Variants in MDN1 observed in about 807,000 individuals in gnomAD.
MDN1 encodes the protein midasin.
In MDN1, 266 loss-of-function variants were observed where a neutral mutation model predicts 669.2. The ratio of observed to expected loss-of-function variants is 0.40; its 90% CI spans 0.36 to 0.44. The LOEUF is 0.44. Ranked by LOEUF, MDN1 falls within the 20% of genes least tolerant of loss-of-function variation. MDN1 has a pLI of 1.00. For missense variants in MDN1, 5,940 were observed against 6,754.0 expected, an observed-to-expected ratio of 0.88 and a Z score of 4.22; for synonymous variants, 2,385 against 2,457.1, an observed-to-expected ratio of 0.97 and a Z score of 0.87.
rs769275715 is a variant in MDN1, at chr6:89,671,041, G to A, written c.13834C>T (p.Pro4612Ser). The A allele has an allele frequency of 6.2e-7, 1 of 1,614,052 alleles. No individual in the cohort carries two copies. Among genetic ancestry groups the A allele is most frequent in the Admixed American group, 1.7e-5 (1 of 59,998 alleles). Residue 4612 changes from proline to serine, a missense_variant, in exon 83 of 102, where the codon CCG (proline) becomes TCG (serine). This residue lies in a region of MDN1 where 2,280 missense variants were observed against 2,576.3 expected (regional missense o/e 0.88). Transcript: ENST00000369393. ...QSCSLLVRLV[P>S]VLSSYSDLVL... is the part of the protein sequence containing the mutation. ...AGGTCTGAGTAGCTGGAGAGGACCG[G>A]CACCAGGCGCACCAGCAAGGAACAG...
At chr6:89,727,594 G>A (rs139404953) in intron 37 of MDN1, among the ~76,000 whole-genome samples, 4 of 152,186 alleles carry the variant, frequency 2.6e-5, no homozygotes, top group Non-Finnish European at 5.9e-5. Context: ...GTTTTCCTCT[G>A]AAGGATAACT....
At chr6:89,768,401 G>A (rs1412465057) in intron 15 of MDN1, among the ~76,000 whole-genome samples, 5 of 152,112 alleles carry the variant, frequency 3.3e-5, no homozygotes, top group South Asian at 2.1e-4. Flanking sequence ...TGTAAGACAC[G>A]ACTTTGCTCC....
At chr6:89,647,783 T>C (rs943468624) in intron 99 of MDN1, among the ~76,000 whole-genome samples, 1 of 152,138 alleles carries the variant, frequency 6.6e-6, no homozygotes, top group African/African-American at 2.4e-5. Flanking sequence ...AGTGAGACCC[T>C]GTCCCTACAA....
chr6:89,644,268 C>G, intron 101 of MDN1, 75 bp from the exon 102 acceptor site: 1 of 1,222,882 alleles, frequency 8.2e-7, no homozygotes, highest in Non-Finnish European at 1.1e-6. Flanking sequence ...TCTGTGATCT[C>G]TTTTGCTAAC....
chr6:89,776,440 G>A (rs1186162970), intron 12 of MDN1, among the ~76,000 whole-genome samples, 160 bp downstream of exon 12: 1 of 152,170 alleles, frequency 6.6e-6, no homozygotes, highest in Admixed American at 6.6e-5. Context: ...GCGCCATTTG[G>A]GAGTTGTATG....
At chr6:89,752,841 T>C (rs924437305) in intron 22 of MDN1, among the ~76,000 whole-genome samples, 2 of 152,138 alleles carry the variant, frequency 1.3e-5, no homozygotes, top group African/African-American at 2.4e-5. Context: ...AATATTCTTA[T>C]GGGCCGGGCA....
Position 89,700,688 on chromosome 6 carries a change from C to T in MDN1, c.8596G>A (p.Gly2866Arg), listed in dbSNP as rs767973377. The T allele has an allele frequency of 2.5e-6, 4 of 1,614,156 alleles. No individual in the cohort carries two copies. The highest frequency in any genetic ancestry group is 3.4e-6 in the Non-Finnish European group (4 of 1,180,034). Residue 2866 changes from glycine to arginine, a missense_variant, in exon 56 of 102, where the codon GGA becomes AGA. Physicochemically the swap from Gly to Arg is moderately radical, Grantham distance 125. Coordinates refer to ENST00000369393, the MANE Select transcript of MDN1 (RefSeq NM_014611.3). ...TLKKSLLQAWGLILRANILED... is the reference protein window; with the variant it reads ...TLKKSLLQAWRLILRANILED... ...AAAATATTTGCTCTGAGGATCAGTC[C>T]CCAGGCTTGCAGGAGACTTTTCTTT...
intron 2 of MDN1, 128 bp downstream of exon 2, chr6:89,803,200 C>T (rs1223051735): frequency 1.3e-6 from 1 of 794,320 alleles, no homozygotes; most frequent in African/African-American, 1.7e-5. Context: ...TTTTATAAAA[C>T]AATACTATTT....
chr6:89,727,964 G>A lies in MDN1; in HGVS notation c.5350-9C>T. ...AACAGGTCTGTGATGTCCTTTGAAA[G>A]GGGAAGAAATGGAAAGAAGCCATTA... is the stretch of plus-strand genomic sequence containing the variant. On this transcript the variant is annotated splice_polypyrimidine_tract_variant and intron_variant, in intron 36 of 101. Coordinates refer to ENST00000369393, the MANE Select transcript of MDN1 (RefSeq NM_014611.3). 1 of 1,598,268 alleles carries A rather than the reference G, an allele frequency of 6.3e-7. No homozygotes were observed.
rs752343131 is a variant in MDN1, at chr6:89,725,271, C to T, written c.5598G>A (p.Gly1866=). The T allele has an allele frequency of 1.9e-6, 3 of 1,614,018 alleles. No individual in the cohort carries two copies. In the Admixed American group the frequency reaches 5.0e-5, roughly 27 times the overall value. ...QVQHEKTKIF[G]CQNPFRQGGG... Reference sequence around the variant, plus strand: ...CTCCTTGTCTAAAGGGATTCTGACACCCAAAAATCTTCGTCTTTTCATGCT... The same window carrying T: ...CTCCTTGTCTAAAGGGATTCTGACATCCAAAAATCTTCGTCTTTTCATGCT... Residue 1866 remains glycine, a synonymous_variant, in exon 38 of 102, where the codon GGG becomes GGA. Transcript: ENST00000369393.
At chr6:89,731,130 T>C (rs1238473658) in intron 34 of MDN1, among the ~76,000 whole-genome samples, 2 of 152,204 alleles carry the variant, frequency 1.3e-5, no homozygotes, top group African/African-American at 4.8e-5. Context: ...CAGCAGATCA[T>C]TCAGTAAAGC....
chr6:89,745,445 T>A, intron 28 of MDN1, 34 bp from the exon 29 acceptor site: 4 of 1,613,984 alleles, frequency 2.5e-6, no homozygotes, highest in Non-Finnish European at 3.4e-6. Context: ...TAGATTCTAA[T>A]GAGTACAACT....
chr6:89,819,410 C>T, intron 1 of MDN1, 96 bp downstream of exon 1: 1 of 1,174,630 alleles, frequency 8.5e-7, no homozygotes, highest in Non-Finnish European at 1.2e-6. Context: ...CACCACTCCC[C>T]ACTTAAAGCG....
chr6:89,810,731 C>T (rs929405283), intron 1 of MDN1, among the ~76,000 whole-genome samples: 1 of 152,110 alleles, frequency 6.6e-6, no homozygotes, highest in Admixed American at 6.6e-5. Context: ...GGTGTGGTGG[C>T]TCACGGCTGT....
In MDN1 at chr6:89,712,431, T is replaced by C. The variant is rs112836622; in HGVS notation, c.7430+144A>G. Reference sequence around the variant, plus strand: ...CTAATAAATAATCAATAGGGAGCAATATCACAATGAACAATAAAACTATGA... The same window carrying C: ...CTAATAAATAATCAATAGGGAGCAACATCACAATGAACAATAAAACTATGA... On this transcript the variant is annotated intron_variant, in intron 48 of 101. Coordinates refer to ENST00000369393, the MANE Select transcript of MDN1 (RefSeq NM_014611.3). 3.0e-3 allele frequency: 2,943 copies of C among 966,418 alleles called. 58 individuals are homozygous for C. The African/African-American group carries it at 0.042, about 14-fold the overall frequency. The allele number at this position is 966,418 out of a possible 1,614,324, so 59.9% of individuals were successfully genotyped here. A position where few individuals can be genotyped will look rare whatever the true frequency, so the allele number is the denominator to read the frequency against.
Position 89,776,699 on chromosome 6 carries a change from T to C in MDN1, c.1726-4A>G. The C allele has an allele frequency of 6.4e-7, 1 of 1,568,348 alleles. No homozygotes were observed. The highest frequency in any genetic ancestry group is 8.7e-7 in the Non-Finnish European group (1 of 1,155,078). ...TTGCTGTGAAACAGTCTAGAGCCTA[T>C]TAAAATAACCAAGGTAAATGCTGAC... On this transcript the variant is annotated splice_region_variant and splice_polypyrimidine_tract_variant and intron_variant, in intron 11 of 101. Transcript: ENST00000369393.
At chr6:89,704,075 C>A (rs1319974507) in intron 53 of MDN1, among the ~76,000 whole-genome samples, 14 of 150,634 alleles carry the variant, frequency 9.3e-5, no homozygotes, top group Admixed American at 9.3e-4. Flanking sequence ...AGCTTTTAAG[C>A]AAAACTTAGA....
At chr6:89,675,672 G>T in intron 77 of MDN1, 93 bp from the exon 78 acceptor site, 2 of 985,956 alleles carry the variant, frequency 2.0e-6, no homozygotes, top group Non-Finnish European at 3.2e-6. Context: ...ATAAGCGTCA[G>T]ACATGCCACA....
In MDN1 at chr6:89,774,745, A is replaced by G. The variant is rs367851757; in HGVS notation, c.1822-12T>C. On this transcript the variant is annotated splice_polypyrimidine_tract_variant and intron_variant, in intron 12 of 101. Transcript: ENST00000369393. ...CAAAAGAATTCAGCCTGTAGGAGGT[A>G]AGATTTTACCTGAGTAAAAATCCAC... 2 of 1,572,536 alleles carry G rather than the reference A, an allele frequency of 1.3e-6. No homozygotes were observed. The highest frequency in any genetic ancestry group is 1.1e-5 in the South Asian group (1 of 90,122).
Sources: allele counts gnomAD v4.1 joint callset (sites outside exome capture counted in the v4.1 genomes callset), GRCh38; gene constraint gnomAD v4.1.1; regional missense constraint gnomAD v4.1.1; transcripts MANE v1.5; gene names NCBI Gene and HGNC (gene_info 2026-07-23, HGNC 2026-07-21).